OTOF: variants seen among roughly 807,000 people sequenced by gnomAD.
The protein encoded by OTOF is fer-1-like family member 2.
In OTOF, 218 loss-of-function variants were observed where a neutral mutation model predicts 236.8. The observed-to-expected ratio is 0.92, with a 90% CI of 0.82 to 1.03. OTOF has a LOEUF of 1.03. Ranked by LOEUF, OTOF falls within the 50% of genes least tolerant of loss-of-function variation. The probability of loss-of-function intolerance (pLI) is 0.00; values close to 1 mark genes in which losing one functional copy is unlikely to be tolerated. For synonymous variants in OTOF, 1,041 were observed against 1,072.5 expected (o/e 0.97, Z 0.57); for missense variants, 2,590 against 2,694.4 (o/e 0.96, Z 0.86).
At chr2:26,458,357 G>T (rs1178487375) in intron 46 of OTOF, 137 bp from the exon 47 acceptor site, 6 of 908,352 alleles carry the variant, frequency 6.6e-6, no homozygotes, top group Non-Finnish European at 8.8e-6. Context: ...TGGAGCCAGG[G>T]TTTAAACCCA....
chr2:26,506,850 G>A (rs1215162972), intron 5 of OTOF, among the ~76,000 whole-genome samples: 2 of 152,124 alleles, frequency 1.3e-5, no homozygotes, highest in Non-Finnish European at 2.9e-5. Flanking sequence ...AATTAGCTGG[G>A]TGTGGTGGCA....
Position 26,516,488 on chromosome 2 carries a change from G to A in OTOF, c.439C>T (p.Gln147Ter), listed in dbSNP as rs768304997. The change falls in exon 5 of 47, where the codon CAA (glutamine) becomes TAA (stop). Residue 147 changes from glutamine (Q) to a stop codon, truncating the protein, a stop_gained. Transcript: ENST00000272371. LOFTEE classifies it high-confidence loss of function. ...CCTGGGAGCAGTCCATCCGTCTCTT[G>A]GCTGTCCTTCTCTTCCTCTTGAAGA... Reference protein sequence around the residue: ...ESLQEEEKDSQETDGLLPGSR... With the variant: ...ESLQEEEKDS 1 of 1,613,864 alleles carries A rather than the reference G, an allele frequency of 6.2e-7. No homozygotes were observed. Among genetic ancestry groups the A allele is most frequent in the South Asian group, 1.1e-5 (1 of 91,088 alleles).
intron 17 of OTOF, 26 bp downstream of exon 17, chr2:26,479,447 A>G (rs928965709): frequency 8.7e-6 from 14 of 1,604,668 alleles, no homozygotes; most frequent in Non-Finnish European, 1.2e-5. Flanking sequence ...GGGCCAGGCC[A>G]CAGGAGGATG....
chr2:26,495,995 A>T (rs1572451179), intron 8 of OTOF, among the ~76,000 whole-genome samples: 1 of 152,070 alleles, frequency 6.6e-6, no homozygotes, highest in Non-Finnish European at 1.5e-5. Context: ...CTTTGTTTGT[A>T]TGGCCAGTGC....
chr2:26,483,480 G>A lies in OTOF; in HGVS notation c.1374C>T (p.Val458=). The change falls in exon 13 of 47, where the codon GTC becomes GTT. Residue 458 remains valine, a synonymous_variant. Coordinates refer to ENST00000272371, the MANE Select transcript of OTOF (RefSeq NM_194248.3). ...CCAGTACCTTCTGGCCAGCAAAGAA[G>A]ACTTGCACGTAGGGGTCCACGAGGT... ...NKDLVDPYVQ[V]FFAGQKGKTS... is the part of the protein sequence containing the mutation. 6.2e-7 allele frequency: 1 copy of A among 1,613,884 alleles called. No homozygotes were observed. The highest frequency in any genetic ancestry group is 8.5e-7 in the Non-Finnish European group (1 of 1,179,990).
At chr2:26,552,736 G>A (rs1468760018) in intron 1 of OTOF, among the ~76,000 whole-genome samples, 1 of 152,182 alleles carries the variant, frequency 6.6e-6, no homozygotes, top group Non-Finnish European at 1.5e-5. Flanking sequence ...GTGGTGAGGG[G>A]GACTGAGTGT....
chr2:26,521,747 A>T (rs2148106265), intron 3 of OTOF, among the ~76,000 whole-genome samples: 1 of 152,254 alleles, frequency 6.6e-6, no homozygotes, highest in East Asian at 1.9e-4. Context: ...CGGTGTAGAC[A>T]GTGAGGAGCC....
rs1664262068 is a variant in OTOF at position 26,457,909 on chromosome 2, G to A, written c.*329C>T. The A allele has an allele frequency of 9.6e-6, 9 of 934,646 alleles. No homozygotes were observed. In the East Asian group the frequency reaches 2.2e-4, roughly 23 times the overall value. 57.9% of individuals were successfully genotyped at this position (934,646 alleles called of 1,614,324 possible). On this transcript the variant is annotated 3_prime_UTR_variant, in exon 47 of 47. Coordinates refer to ENST00000272371, the MANE Select transcript of OTOF (RefSeq NM_194248.3). The surrounding 1 kb of genome is among the most constrained non-coding windows in gnomAD (Gnocchi z 4.4). ...GACAGGCGGCCCCCGCAAGCAGGAG[G>A]CAGGCTCGGCCCAAGGCATGAAGAG...
intron 39 of OTOF, 98 bp from the exon 40 acceptor site, chr2:26,464,204 C>G: frequency 7.0e-7 from 1 of 1,424,732 alleles, no homozygotes; most frequent in Non-Finnish European, 9.8e-7. Context: ...GCCTCTATGC[C>G]ATCACCTGTC....
rs867968020 is a variant in OTOF at position 26,473,442 on chromosome 2, GTTC to G, written c.3531_3533del (p.Lys1177del). ...ACTTGACGAGGGTGTTGAAGTTGGGGTTCTTCTTATAATTGTGGATCAGGGACG... is the reference window on the plus strand; with the variant it reads ...ACTTGACGAGGGTGTTGAAGTTGGGGTTCTTATAATTGTGGATCAGGGACG... On this transcript the variant is annotated inframe_deletion, in exon 28 of 47. Transcript: ENST00000272371. This position sits in a 1 kb window ranked among gnomAD's most constrained non-coding sequence, Gnocchi z 7.2. 2 of 1,613,306 alleles carry G rather than the reference GTTC, an allele frequency of 1.2e-6. No homozygotes were observed. The highest frequency in any genetic ancestry group is 1.3e-5 in the African/African-American group (1 of 74,908).
In OTOF at chr2:26,482,572, C is replaced by T. The variant is rs769723512; in HGVS notation, c.1413G>A (p.Lys471=). 30 of 1,613,116 alleles carry T rather than the reference C, an allele frequency of 1.9e-5. No homozygotes were observed. The highest frequency in any genetic ancestry group is 2.4e-5 in the Non-Finnish European group (28 of 1,179,882). The part of the protein sequence containing the change: ...AGQKGKTSVQ[K]SSYEPLWNEQ... Reference sequence around the variant, plus strand: ...CATTCCACAGGGGCTCATAGCTGCTCTTCTGCACTGAAGTCTTGCCCTGGT... The same window carrying T: ...CATTCCACAGGGGCTCATAGCTGCTTTTCTGCACTGAAGTCTTGCCCTGGT... Residue 471 remains lysine, a synonymous_variant, in exon 14 of 47, where the codon AAG becomes AAA. Transcript: ENST00000272371.
In OTOF at chr2:26,491,246, A is replaced by G. The variant is rs147741224; in HGVS notation, c.898-1506T>C. Among the ~76,000 whole-genome samples the G allele has an allele frequency of 1.4e-4, 21 of 152,296 alleles. No homozygotes were observed. In the East Asian group the frequency reaches 4.1e-3, roughly 29 times the overall value. The stretch of plus-strand genomic sequence containing the variant: ...ATGGACATTATACTCAGGAACAGCA[A>G]TGTCCTTGGTGACCTTGAGGAGAGC... On this transcript the variant is annotated intron_variant, in intron 9 of 46. Coordinates refer to ENST00000272371, the MANE Select transcript of OTOF (RefSeq NM_194248.3).
chr2:26,497,734 A>G (rs1666024186), intron 8 of OTOF, among the ~76,000 whole-genome samples: 1 of 152,224 alleles, frequency 6.6e-6, no homozygotes, highest in Non-Finnish European at 1.5e-5. Context: ...GTGAAGTGAC[A>G]AAGGGACGGA....
In OTOF at chr2:26,527,213, G is replaced by A. The variant is rs555069332; in HGVS notation, c.227+619C>T. Among the ~76,000 whole-genome samples, 26 of 152,328 alleles carry A rather than the reference G, an allele frequency of 1.7e-4. 3 individuals are homozygous for A. The South Asian group carries it at 4.1e-3, about 24-fold the overall frequency. ...ATTCAGTACCTGATACACAATCGACGCTTAGTAAACATTTGTTGAATGAGT... is the reference window on the plus strand; with the variant it reads ...ATTCAGTACCTGATACACAATCGACACTTAGTAAACATTTGTTGAATGAGT... On this transcript the variant is annotated intron_variant, in intron 3 of 46. Coordinates refer to ENST00000272371, the MANE Select transcript of OTOF (RefSeq NM_194248.3).
intron 40 of OTOF, 54 bp downstream of exon 40, chr2:26,463,910 G>C: frequency 6.2e-7 from 1 of 1,610,690 alleles, no homozygotes; most frequent in South Asian, 1.1e-5. Context: ...CTCAGGTTGG[G>C]GATCCCTGGT....
intron 26 of OTOF, 118 bp downstream of exon 26, chr2:26,474,395 G>A: frequency 2.2e-6 from 1 of 454,788 alleles, no homozygotes; most frequent in Non-Finnish European, 3.7e-6. Flanking sequence ...CAGCCCCCAG[G>A]CCCCACCCCC....
intron 1 of OTOF, among the ~76,000 whole-genome samples, chr2:26,538,231 C>A (rs1384204392): frequency 6.6e-6 from 1 of 152,226 alleles, no homozygotes; most frequent in Non-Finnish European, 1.5e-5. Context: ...AGCCCAGCCT[C>A]CTTCTGCAGC....
At chr2:26,520,789 T>C (rs1666658196) in intron 3 of OTOF, among the ~76,000 whole-genome samples, 1 of 152,212 alleles carries the variant, frequency 6.6e-6, no homozygotes, top group Non-Finnish European at 1.5e-5. Flanking sequence ...ATTCTAACAG[T>C]AGACCACGGG....
intron 5 of OTOF, among the ~76,000 whole-genome samples, chr2:26,514,606 C>T (rs1489644482): frequency 4.6e-5 from 7 of 152,306 alleles, no homozygotes; most frequent in East Asian, 1.9e-4. Context: ...CCCACAGGTC[C>T]GGAGCATCCA....
Sources: allele counts gnomAD v4.1 joint callset (sites outside exome capture counted in the v4.1 genomes callset), GRCh38; gene constraint gnomAD v4.1.1; non-coding constraint Gnocchi (gnomAD v3.1); transcripts MANE v1.5; gene names NCBI Gene and HGNC (gene_info 2026-07-23, HGNC 2026-07-21).